The following HERC1 variants were observed in gnomAD, a reference collection of about 807,000 sequenced individuals.
HERC1 encodes the protein probable E3 ubiquitin-protein ligase HERC1.
In HERC1, 160 loss-of-function variants were observed where a neutral mutation model predicts 554.3. The observed-to-expected ratio is 0.29, with a 90% CI of 0.25 to 0.33. The LOEUF (loss-of-function observed/expected upper bound fraction) is 0.33. Ranked by LOEUF, HERC1 falls within the 10% of genes least tolerant of loss-of-function variation. HERC1 has a pLI of 1.00. For synonymous variants in HERC1, 2,175 were observed against 2,131.7 expected (o/e 1.02, Z -0.56); for missense variants, 4,919 against 5,918.5 (o/e 0.83, Z 5.54).
intron 1 of HERC1, among the ~76,000 whole-genome samples, chr15:63,814,746 G>T (rs1025858051): frequency 2.0e-5 from 3 of 152,220 alleles, no homozygotes; most frequent in African/African-American, 4.8e-5. Flanking sequence ...TGGGATTACA[G>T]GCGTGAGCCA....
intron 27 of HERC1, among the ~76,000 whole-genome samples, chr15:63,695,503 C>T (rs913270395): frequency 6.6e-6 from 1 of 151,382 alleles, no homozygotes; most frequent in African/African-American, 2.4e-5. Context: ...CTCCCTGCCT[C>T]AGCCTCCTGA....
chr15:63,722,825 G>A (rs1047422177), intron 19 of HERC1, among the ~76,000 whole-genome samples: 1 of 152,084 alleles, frequency 6.6e-6, no homozygotes, highest in South Asian at 2.1e-4. Flanking sequence ...AGGAAAAAAC[G>A]TAATGTATAT....
intron 64 of HERC1, chr15:63,637,063 T>G: frequency 2.2e-6 from 1 of 455,102 alleles, no homozygotes; most frequent in Non-Finnish European, 4.4e-6. Context: ...GCCGGGGGCT[T>G]GTACAGTGGT....
chr15:63,653,061 C>A (rs1167458550), intron 51 of HERC1, among the ~76,000 whole-genome samples: 2 of 152,202 alleles, frequency 1.3e-5, no homozygotes, highest in Non-Finnish European at 2.9e-5. Context: ...CTATTATAAT[C>A]TTTACTAAAT....
At chr15:63,820,482 A>G (rs558019127) in intron 1 of HERC1, among the ~76,000 whole-genome samples, 3 of 152,216 alleles carry the variant, frequency 2.0e-5, no homozygotes, top group Non-Finnish European at 4.4e-5. Flanking sequence ...TAGGTTAACC[A>G]CTTATTTCCA....
chr15:63,738,886 G>A (rs190604524), intron 12 of HERC1, among the ~76,000 whole-genome samples: 9 of 152,062 alleles, frequency 5.9e-5, no homozygotes, highest in Admixed American at 5.9e-4. Flanking sequence ...CCCCGTTTCT[G>A]ATAAATATTA....
chr15:63,723,571 C>A (rs1596071790), intron 18 of HERC1, among the ~76,000 whole-genome samples: 2 of 152,148 alleles, frequency 1.3e-5, no homozygotes, highest in East Asian at 3.8e-4. Context: ...AATTGTGACA[C>A]TCCAAAAAAA....
rs2068189552 is a variant in HERC1, at chr15:63,623,888, C to A, written c.13448G>T (p.Gly4483Val). The change falls in exon 73 of 78, where the codon GGA (glycine) becomes GTA (valine). Residue 4483 changes from glycine (G) to valine (V), a missense_variant and splice_region_variant. Physicochemically the swap from Gly to Val is moderately radical, Grantham distance 109. Transcript: ENST00000443617. ...QITVKRISTR[G>V]RKCKPIFVQI... is the part of the protein sequence containing the mutation. ...GACAAAAATAGGCTTACACTTCCGT[C>A]CTCTTTAAAAGAAAGGGAGAAAGCA... 3.7e-6 allele frequency: 6 copies of A among 1,613,674 alleles called. No individual in the cohort carries two copies. The highest frequency in any genetic ancestry group is 1.7e-4 in the Middle Eastern group (1 of 6,058).
At chr15:63,654,622 G>C (rs567652070) in intron 50 of HERC1, among the ~76,000 whole-genome samples, 2 of 152,064 alleles carry the variant, frequency 1.3e-5, no homozygotes, top group African/African-American at 4.8e-5. Context: ...GGAGGCCAAG[G>C]TGGGAGGATC....
chr15:63,615,965 A>G (rs1335059430), intron 75 of HERC1, 45 bp from the exon 76 acceptor site: 1 of 1,481,364 alleles, frequency 6.8e-7, no homozygotes, highest in Non-Finnish European at 9.1e-7. Flanking sequence ...GGTAGAAATG[A>G]CAGCAAAAAG....
At chr15:63,690,722 A>G in intron 31 of HERC1, 75 bp from the exon 32 acceptor site, 1 of 900,734 alleles carries the variant, frequency 1.1e-6, no homozygotes, top group Non-Finnish European at 1.8e-6. Flanking sequence ...TGGGAAAAAA[A>G]TTCCTGAGGC....
At chr15:63,655,259 CAG>C (rs201958813) in intron 50 of HERC1, among the ~76,000 whole-genome samples, 1,590 of 152,248 alleles carry the variant, frequency 0.01, 17 homozygotes, top group Middle Eastern at 0.02. Flanking sequence ...GAGGCTGAGG[CAG>C]GAGAATCACT....
chr15:63,772,965 C>T (rs936657407), intron 2 of HERC1, among the ~76,000 whole-genome samples: 3 of 152,056 alleles, frequency 2.0e-5, no homozygotes, highest in Non-Finnish European at 4.4e-5. Flanking sequence ...CTTAAATGTC[C>T]CTGGTTTGAA....
At chr15:63,807,132 T>C (rs1214893273) in intron 1 of HERC1, among the ~76,000 whole-genome samples, 1 of 152,126 alleles carries the variant, frequency 6.6e-6, no homozygotes, top group East Asian at 1.9e-4. Context: ...ACTTTATAAA[T>C]TTGCAATAAT....
At chr15:63,810,824 T>C (rs572641321) in intron 1 of HERC1, among the ~76,000 whole-genome samples, 96 of 152,294 alleles carry the variant, frequency 6.3e-4, no homozygotes, top group African/African-American at 2.2e-3. Flanking sequence ...CAATCAAATT[T>C]AGCATTACCT....
chr15:63,697,129 A>G (rs2072463702), intron 26 of HERC1, among the ~76,000 whole-genome samples: 1 of 152,166 alleles, frequency 6.6e-6, no homozygotes. Context: ...GTAAAATAGT[A>G]TTAATTAAAA....
At chr15:63,769,942 C>T (rs969070385) in intron 2 of HERC1, among the ~76,000 whole-genome samples, 1 of 152,024 alleles carries the variant, frequency 6.6e-6, no homozygotes, top group African/African-American at 2.4e-5. Context: ...CAATTTTTTT[C>T]CCCTCACATT....
intron 45 of HERC1, 114 bp downstream of exon 45, chr15:63,661,639 C>T (rs1321474237): frequency 4.6e-6 from 5 of 1,095,592 alleles, no homozygotes; most frequent in East Asian, 4.8e-5. Context: ...GTAAGAATCA[C>T]GGGATTTCAG....
At chr15:63,711,910 A>G (rs2073317099) in intron 24 of HERC1, among the ~76,000 whole-genome samples, 1 of 152,186 alleles carries the variant, frequency 6.6e-6, no homozygotes, top group African/African-American at 2.4e-5. Context: ...GGAACAGCCA[A>G]ATTGAAAACC....
Sources: gnomAD v4.1 joint callset for allele counts (sites outside exome capture counted in the v4.1 genomes callset) on GRCh38, gnomAD v4.1.1 for gene constraint, MANE v1.5 for transcripts, NCBI Gene and HGNC (gene_info 2026-07-23, HGNC 2026-07-21) for gene names.